FGF13: variants seen among roughly 807,000 people sequenced by gnomAD.
FGF13 encodes the protein fibroblast growth factor 13.
Under a neutral mutation model 19.5 loss-of-function variants are expected in FGF13, and 2 were observed. That is an observed-to-expected ratio of 0.10 (90% CI 0.04 to 0.32). The LOEUF (loss-of-function observed/expected upper bound fraction) is 0.32, where lower values mean the gene tolerates loss of function less well. Ranked by LOEUF, FGF13 falls within the 10% of genes least tolerant of loss-of-function variation. The pLI is 1.00. For missense variants in FGF13, 113 were observed against 192.7 expected, an observed-to-expected ratio of 0.59 and a Z score of 2.45; for synonymous variants, 72 against 76.9, an observed-to-expected ratio of 0.94 and a Z score of 0.33.
intron 1 of FGF13, chrX:138,864,705 CAG>C (rs2091307873): frequency 8.9e-6 from 1 of 112,665 alleles, no homozygotes. Context: ...ACCAGAAAAG[CAG>C]AGTCTTCTTC....
At chrX:139,145,992 G>T (rs1027789598) in intron 1 of FGF13, among the ~76,000 whole-genome samples, 6 of 111,836 alleles carry the variant, frequency 5.4e-5, no homozygotes, top group Non-Finnish European at 9.4e-5. Context: ...AGACTTAAAT[G>T]TTAGACCTAA....
At chrX:138,707,191 A>T (rs1470627560) in intron 2 of FGF13, among the ~76,000 whole-genome samples, 6 of 111,779 alleles carry the variant, frequency 5.4e-5, no homozygotes, top group Non-Finnish European at 1.1e-4. Flanking sequence ...TGTATCTCTT[A>T]AAATGATTAC....
At chrX:139,099,793 T>A (rs1342368125) in intron 1 of FGF13, among the ~76,000 whole-genome samples, 1 of 111,524 alleles carries the variant, frequency 9.0e-6, no homozygotes, top group East Asian at 2.8e-4. Flanking sequence ...TCAGAGAGAA[T>A]TTTTTTAATT....
chrX:138,895,995 T>C (rs2091502171), intron 1 of FGF13, among the ~76,000 whole-genome samples: 1 of 111,943 alleles, frequency 8.9e-6, no homozygotes, highest in African/African-American at 3.2e-5. Context: ...AGGTTGGGGA[T>C]GGAAGAAGGT....
At chrX:139,188,905 G>A (rs2084302021) in intron 1 of FGF13, among the ~76,000 whole-genome samples, 1 of 111,694 alleles carries the variant, frequency 9.0e-6, no homozygotes, top group Admixed American at 9.5e-5. Context: ...GCCAGGCTTT[G>A]TCCTAAGTAC....
chrX:139,118,440 T>C lies in FGF13; in HGVS notation c.-113+84976A>G, dbSNP rs142737843. ...CATCATAAGTTAGGAACTCTCTGAATTAGGAAATGAGGAGACTCCACAAAA... is the reference window on the plus strand; with the variant it reads ...CATCATAAGTTAGGAACTCTCTGAACTAGGAAATGAGGAGACTCCACAAAA... On this transcript the variant is annotated intron_variant, in intron 1 of 2. Coordinates refer to the FGF13 transcript ENST00000421460. Among the ~76,000 whole-genome samples, 320 of 111,288 alleles carry C rather than the reference T, an allele frequency of 2.9e-3. 3 individuals carry two copies. The highest frequency in any genetic ancestry group is 9.1e-3 in the African/African-American group (278 of 30,589).
intron 1 of FGF13, among the ~76,000 whole-genome samples, chrX:139,084,703 G>A (rs1237984468): frequency 8.9e-6 from 1 of 111,769 alleles, no homozygotes; most frequent in Non-Finnish European, 1.9e-5. Flanking sequence ...TTGGTCCTGG[G>A]GGCTTGCTGA....
At chrX:138,840,353 A>G (rs2124107133) in intron 3 of FGF13, among the ~76,000 whole-genome samples, 1 of 111,754 alleles carries the variant, frequency 8.9e-6, no homozygotes, top group African/African-American at 3.2e-5. Flanking sequence ...ACATCCCGCC[A>G]TGGTACCTAA....
intron 1 of FGF13, among the ~76,000 whole-genome samples, chrX:139,178,023 C>T (rs1181958717): frequency 8.9e-6 from 1 of 112,070 alleles, no homozygotes; most frequent in South Asian, 3.8e-4. Flanking sequence ...TGCTTCAGCT[C>T]GCCCTGCATG....
At chrX:139,143,972 C>T (rs1358384579) in intron 1 of FGF13, among the ~76,000 whole-genome samples, 1 of 111,619 alleles carries the variant, frequency 9.0e-6, no homozygotes, top group Non-Finnish European at 1.9e-5. Flanking sequence ...CCCCAAATTT[C>T]TGTTAGTTCA....
intron 1 of FGF13, among the ~76,000 whole-genome samples, chrX:139,172,476 G>A (rs753118455): frequency 2.5e-3 from 277 of 111,228 alleles, no homozygotes; most frequent in African/African-American, 8.7e-3. Context: ...TTTTCTACCC[G>A]TGCATAATCC....
At chrX:138,761,012 T>A (rs1172745715) in intron 3 of FGF13, among the ~76,000 whole-genome samples, 1 of 111,914 alleles carries the variant, frequency 8.9e-6, no homozygotes, top group African/African-American at 3.2e-5. Flanking sequence ...TTGCATTACA[T>A]CAGGTACTGG....
chrX:138,626,016 G>T lies in FGF13; in HGVS notation c.*6834C>A, dbSNP rs1363710665. ...CAATCTTCTATAGCCTAATAGGCAA[G>T]GTTGTGAATCATACTTTGCTCAGAG... is the stretch of plus-strand genomic sequence containing the variant. On this transcript the variant is annotated 3_prime_UTR_variant, in exon 5 of 5. Transcript: ENST00000315930. 9.0e-6 allele frequency: 1 copy of T among 111,406 alleles called. No homozygotes were observed. The highest frequency in any genetic ancestry group is 1.9e-5 in the Non-Finnish European group (1 of 53,168). 9.2% of individuals were successfully genotyped at this position (111,406 alleles called of 1,213,427 possible). A position where few individuals can be genotyped will look rare whatever the true frequency, so the allele number is the denominator to read the frequency against.
chrX:138,910,242 T>C (rs1176169911), intron 1 of FGF13, among the ~76,000 whole-genome samples: 1 of 111,115 alleles, frequency 9.0e-6, no homozygotes, highest in Non-Finnish European at 1.9e-5. Flanking sequence ...TGGTGCCCAA[T>C]ACCCTCCGTC....
At chrX:138,696,528 G>A (rs2089898458) in intron 3 of FGF13, among the ~76,000 whole-genome samples, 2 of 111,582 alleles carry the variant, frequency 1.8e-5, no homozygotes, top group African/African-American at 3.3e-5. Flanking sequence ...AAAGAAGGAG[G>A]TAATAGATAA....
intron 1 of FGF13, among the ~76,000 whole-genome samples, chrX:138,875,593 G>GT (rs1386408478): frequency 3.6e-5 from 4 of 111,577 alleles, no homozygotes; most frequent in Admixed American, 1.9e-4. Flanking sequence ...GCCTATGAGT[G>GT]TTTTTTTTCT....
At chrX:139,121,245 T>C (rs1330784599) in intron 1 of FGF13, among the ~76,000 whole-genome samples, 1 of 112,193 alleles carries the variant, frequency 8.9e-6, no homozygotes, top group Non-Finnish European at 1.9e-5. Flanking sequence ...TAGTGTTTTC[T>C]TGAGACCTGT....
intron 1 of FGF13, among the ~76,000 whole-genome samples, chrX:138,886,661 C>T (rs1244264955): frequency 9.0e-6 from 1 of 111,730 alleles, no homozygotes; most frequent in Non-Finnish European, 1.9e-5. Context: ...CTCATGAGAT[C>T]ATGGATGTGA....
chrX:138,915,330 T>A (rs765048005), intron 1 of FGF13, among the ~76,000 whole-genome samples: 14 of 111,894 alleles, frequency 1.3e-4, no homozygotes, highest in Non-Finnish European at 2.4e-4. Flanking sequence ...ACACTTATCC[T>A]CATTATCAGA....
Sources: allele counts gnomAD v4.1 joint callset (sites outside exome capture counted in the v4.1 genomes callset), GRCh38; gene constraint gnomAD v4.1.1; transcripts MANE v1.5; gene names NCBI Gene and HGNC (gene_info 2026-07-23, HGNC 2026-07-21).